LRRC4C: variants seen among roughly 807,000 people sequenced by gnomAD.
LRRC4C encodes the protein leucine rich repeat containing 4C, also known as leucine-rich repeat-containing protein 4C.
In LRRC4C, 5 loss-of-function variants were observed where a neutral mutation model predicts 33.6. The observed-to-expected ratio is 0.15, with a 90% CI of 0.08 to 0.31. LRRC4C has a LOEUF of 0.31. Ranked by LOEUF, LRRC4C falls within the 10% of genes least tolerant of loss-of-function variation. The probability of loss-of-function intolerance (pLI) is 1.00; values close to 1 mark genes in which losing one functional copy is unlikely to be tolerated. For missense variants in LRRC4C, 560 were observed against 796.7 expected (o/e 0.70, Z 3.58); for synonymous variants, 329 against 302.0 (o/e 1.09, Z -0.93).
chr11:40,523,172 G>A (rs555445548), intron 3 of LRRC4C, among the ~76,000 whole-genome samples: 1 of 152,212 alleles, frequency 6.6e-6, no homozygotes, highest in South Asian at 2.1e-4. Flanking sequence ...AAGGTAGAAG[G>A]TTTCAAATTT....
rs1321946060 is a variant in LRRC4C, at chr11:40,442,003, A to C, written c.-269-122282T>G. On this transcript the variant is annotated intron_variant, in intron 3 of 6. Coordinates refer to ENST00000528697, the MANE Select transcript of LRRC4C (RefSeq NM_001258419.2). ...CGGTGAAACCCCATCTCTACTAAAA[A>C]ATACAAAAAATTAGCTGGATGTGGT... 3.9e-5 allele frequency among the ~76,000 whole-genome samples: 6 copies of C among 152,008 alleles called. No individual in the cohort carries two copies. In the East Asian group the frequency reaches 1.2e-3, roughly 30 times the overall value.
At chr11:40,462,600 G>A (rs1014434008) in intron 3 of LRRC4C, among the ~76,000 whole-genome samples, 1 of 152,052 alleles carries the variant, frequency 6.6e-6, no homozygotes, top group Non-Finnish European at 1.5e-5. Flanking sequence ...ATGAAGGGTG[G>A]TGAGAAGGGA....
At chr11:41,307,670 AG>A (rs1291432492) in intron 1 of LRRC4C, among the ~76,000 whole-genome samples, 2 of 152,156 alleles carry the variant, frequency 1.3e-5, no homozygotes, top group Non-Finnish European at 2.9e-5. Context: ...TGTGTCTGGG[AG>A]GGGAGCCACC....
At chr11:40,209,671 T>C (rs751081346) in intron 5 of LRRC4C, among the ~76,000 whole-genome samples, 1 of 152,088 alleles carries the variant, frequency 6.6e-6, no homozygotes, top group Admixed American at 6.5e-5. Context: ...GCCTCCCAAG[T>C]AGCTGGGACT....
intron 2 of LRRC4C, among the ~76,000 whole-genome samples, chr11:40,670,839 C>A (rs918016592): frequency 1.3e-5 from 2 of 152,200 alleles, no homozygotes; most frequent in African/African-American, 2.4e-5. Flanking sequence ...CCTCGGCTCA[C>A]TGCAAGCTCC....
chr11:40,312,437 C>T (rs1945360872), intron 4 of LRRC4C, among the ~76,000 whole-genome samples: 1 of 152,162 alleles, frequency 6.6e-6, no homozygotes, highest in African/African-American at 2.4e-5. Flanking sequence ...TGTAAAGGAG[C>T]TTAGTTCCAG....
intron 1 of LRRC4C, among the ~76,000 whole-genome samples, chr11:41,246,001 T>C (rs1299894774): frequency 1.3e-5 from 2 of 152,028 alleles, no homozygotes; most frequent in African/African-American, 4.8e-5. Flanking sequence ...CACCGTAAGT[T>C]CTCACTCGGG....
chr11:40,626,570 T>C (rs975239917), intron 3 of LRRC4C, among the ~76,000 whole-genome samples: 7 of 152,172 alleles, frequency 4.6e-5, no homozygotes, highest in Non-Finnish European at 1.0e-4. Context: ...AATCTCTTTA[T>C]GTTGTTTTCC....
intron 3 of LRRC4C, among the ~76,000 whole-genome samples, chr11:40,359,745 C>T (rs147895116): frequency 6.6e-6 from 1 of 152,152 alleles, no homozygotes; most frequent in African/African-American, 2.4e-5. Context: ...TCAGAATCAA[C>T]CCAATCTGAA....
intron 3 of LRRC4C, among the ~76,000 whole-genome samples, chr11:40,343,450 C>T (rs1469863056): frequency 6.6e-6 from 1 of 151,746 alleles, no homozygotes; most frequent in Non-Finnish European, 1.5e-5. Context: ...ACAGATTATT[C>T]AGTCACCCAT....
intron 5 of LRRC4C, among the ~76,000 whole-genome samples, chr11:40,174,553 CAT>C (rs1860314387): frequency 6.6e-6 from 1 of 152,158 alleles, no homozygotes; most frequent in African/African-American, 2.4e-5. Context: ...TGCACCTGTG[CAT>C]ATGTGTGCGT....
chr11:41,295,339 C>A (rs1435218673), intron 1 of LRRC4C, among the ~76,000 whole-genome samples: 1 of 151,898 alleles, frequency 6.6e-6, no homozygotes, highest in Non-Finnish European at 1.5e-5. Flanking sequence ...ATAGAATATA[C>A]AATATGCGGT....
At chr11:40,596,201 G>A (rs1214215101) in intron 3 of LRRC4C, among the ~76,000 whole-genome samples, 1 of 152,144 alleles carries the variant, frequency 6.6e-6, no homozygotes, top group Non-Finnish European at 1.5e-5. Context: ...GCTAGGAGGT[G>A]GCTCTAGAAA....
At chr11:40,283,588 T>C (rs148933489) in intron 4 of LRRC4C, among the ~76,000 whole-genome samples, 1 of 151,856 alleles carries the variant, frequency 6.6e-6, no homozygotes, top group Non-Finnish European at 1.5e-5. Flanking sequence ...ATGTGTTAGA[T>C]CAGGCCACTC....
chr11:41,195,364 G>A (rs1312032886), intron 1 of LRRC4C, among the ~76,000 whole-genome samples: 1 of 152,006 alleles, frequency 6.6e-6, no homozygotes, highest in African/African-American at 2.4e-5. Flanking sequence ...TCATTAATTA[G>A]TCTGCATAGA....
intron 2 of LRRC4C, among the ~76,000 whole-genome samples, chr11:40,912,435 C>T (rs1956741660): frequency 1.3e-5 from 2 of 152,128 alleles, no homozygotes; most frequent in South Asian, 4.1e-4. Flanking sequence ...AATTTCATAT[C>T]CAGCCAAACT....
chr11:40,590,613 C>T (rs1333544664), intron 3 of LRRC4C, among the ~76,000 whole-genome samples: 1 of 151,918 alleles, frequency 6.6e-6, no homozygotes, highest in Non-Finnish European at 1.5e-5. Context: ...GTGGTTTTAT[C>T]TACTTTTGGT....
intron 4 of LRRC4C, among the ~76,000 whole-genome samples, chr11:40,307,751 C>T (rs1945112818): frequency 6.6e-6 from 1 of 151,974 alleles, no homozygotes; most frequent in African/African-American, 2.4e-5. Flanking sequence ...TTATTTAGGA[C>T]ACAAACGAAA....
chr11:41,009,295 T>C (rs74234795), intron 1 of LRRC4C, among the ~76,000 whole-genome samples: 2 of 151,938 alleles, frequency 1.3e-5, no homozygotes, highest in South Asian at 4.1e-4. Context: ...GTGTGTAAAT[T>C]TTTCGAGTAT....
Sources: allele counts gnomAD v4.1 joint callset (sites outside exome capture counted in the v4.1 genomes callset), GRCh38; gene constraint gnomAD v4.1.1; transcripts MANE v1.5; gene names NCBI Gene and HGNC (gene_info 2026-07-23, HGNC 2026-07-21).